EPHA5: variants seen among roughly 807,000 people sequenced by gnomAD.
The protein encoded by EPHA5 is ephrin type-A receptor 5.
Under a neutral mutation model 105.0 loss-of-function variants are expected in EPHA5, and 60 were observed. The observed-to-expected ratio is 0.57, with a 90% CI of 0.46 to 0.71. The LOEUF (loss-of-function observed/expected upper bound fraction) is 0.71. EPHA5 is among the 30% of genes least tolerant of loss of function. The probability of loss-of-function intolerance (pLI) is 0.00; values close to 1 mark genes in which losing one functional copy is unlikely to be tolerated. For synonymous variants in EPHA5, 513 were observed against 449.1 expected (o/e 1.14, Z -1.80); for missense variants, 1,218 against 1,274.7 (o/e 0.96, Z 0.68).
At chr4:65,515,484 A>G (rs573343972) in intron 3 of EPHA5, among the ~76,000 whole-genome samples, 1 of 152,094 alleles carries the variant, frequency 6.6e-6, no homozygotes, top group East Asian at 1.9e-4. Flanking sequence ...AAGATACATG[A>G]CTCCTCTATT....
chr4:65,666,681 A>G (rs975258322), intron 1 of EPHA5, among the ~76,000 whole-genome samples: 3 of 152,204 alleles, frequency 2.0e-5, no homozygotes, highest in Admixed American at 6.5e-5. Flanking sequence ...GTTTATGACT[A>G]ATATACTAAA....
chr4:65,496,977 A>AT (rs1336914260), intron 3 of EPHA5, among the ~76,000 whole-genome samples: 1 of 152,086 alleles, frequency 6.6e-6, no homozygotes, highest in African/African-American at 2.4e-5. Context: ...TATTCTGTGG[A>AT]TTTTCTACAT....
At chr4:65,532,952 G>T (rs1159372886) in intron 3 of EPHA5, among the ~76,000 whole-genome samples, 1 of 151,614 alleles carries the variant, frequency 6.6e-6, no homozygotes, top group African/African-American at 2.4e-5. Context: ...TATTTATTTT[G>T]GTCAGTAGCA....
At chr4:65,447,255 T>C (rs986949385) in intron 5 of EPHA5, among the ~76,000 whole-genome samples, 1 of 152,084 alleles carries the variant, frequency 6.6e-6, no homozygotes, top group African/African-American at 2.4e-5. Flanking sequence ...CAATAGTTTC[T>C]AAGCAGATAT....
At chr4:65,394,047 C>A (rs1264909010) in intron 8 of EPHA5, among the ~76,000 whole-genome samples, 1 of 152,050 alleles carries the variant, frequency 6.6e-6, no homozygotes, top group Non-Finnish European at 1.5e-5. Context: ...ATGGAATTAA[C>A]CAGGGTTCAC....
intron 12 of EPHA5, 43 bp from the exon 13 acceptor site, chr4:65,351,641 A>C: frequency 6.4e-7 from 1 of 1,564,216 alleles, no homozygotes; most frequent in South Asian, 1.1e-5. Context: ...AACACCAATC[A>C]CTGGGGGAAA....
chr4:65,659,951 C>T (rs1749417282), intron 1 of EPHA5, among the ~76,000 whole-genome samples: 1 of 152,080 alleles, frequency 6.6e-6, no homozygotes, highest in South Asian at 2.1e-4. Flanking sequence ...TGTCGACTTA[C>T]AATATTAGTA....
chr4:65,566,870 T>C (rs1739589978), intron 3 of EPHA5, among the ~76,000 whole-genome samples: 1 of 151,876 alleles, frequency 6.6e-6, no homozygotes, highest in South Asian at 2.1e-4. Flanking sequence ...CATTTCTTTA[T>C]TTTTTGATAA....
intron 2 of EPHA5, among the ~76,000 whole-genome samples, chr4:65,626,755 A>C (rs1296015356): frequency 1.3e-5 from 2 of 152,252 alleles, no homozygotes; most frequent in African/African-American, 4.8e-5. Flanking sequence ...CATTTGTTCA[A>C]TATAACTTTC....
At chr4:65,439,041 C>T (rs1001076022) in intron 5 of EPHA5, among the ~76,000 whole-genome samples, 2 of 152,050 alleles carry the variant, frequency 1.3e-5, no homozygotes, top group Admixed American at 1.3e-4. Flanking sequence ...TCTCAACAAT[C>T]CTATGAAGTA....
At chr4:65,566,164 G>A (rs184155868) in intron 3 of EPHA5, among the ~76,000 whole-genome samples, 132 of 151,816 alleles carry the variant, frequency 8.7e-4, no homozygotes, top group African/African-American at 2.9e-3. Context: ...ACTGTGTAAC[G>A]TGAAAAACAA....
At position 65,566,123 on chromosome 4, in the gene EPHA5, A is replaced by G. The variant is rs553637826; in HGVS notation, c.910+35518T>C. Reference sequence around the variant, plus strand: ...ACTTCTACAACATGGAAATATGGTAATTAAGAGCTTTCTGCTCCCATTTTC... The same window carrying G: ...ACTTCTACAACATGGAAATATGGTAGTTAAGAGCTTTCTGCTCCCATTTTC... On this transcript the variant is annotated intron_variant, in intron 3 of 16. Coordinates refer to ENST00000613740, the MANE Select transcript of EPHA5 (RefSeq NM_001281766.3). Among the ~76,000 whole-genome samples the G allele has an allele frequency of 5.6e-4, 85 of 151,880 alleles. No homozygotes were observed. In the South Asian group the frequency reaches 8.1e-3, roughly 14 times the overall value.
intron 5 of EPHA5, among the ~76,000 whole-genome samples, chr4:65,456,504 G>A (rs997214565): frequency 7.9e-5 from 12 of 152,108 alleles, no homozygotes; most frequent in African/African-American, 2.4e-4. Context: ...GCTGATTAGT[G>A]TGTCACAACA....
intron 3 of EPHA5, among the ~76,000 whole-genome samples, chr4:65,591,436 A>C (rs181141528): frequency 2.1e-3 from 315 of 152,078 alleles, no homozygotes; most frequent in Middle Eastern, 6.8e-3. Context: ...AGGAGTATTT[A>C]TGCTAAAACT....
At chr4:65,410,670 T>C (rs1214070179) in intron 7 of EPHA5, among the ~76,000 whole-genome samples, 1 of 152,210 alleles carries the variant, frequency 6.6e-6, no homozygotes, top group Non-Finnish European at 1.5e-5. Context: ...ACTATGGTTC[T>C]GTAAAATATT....
chr4:65,372,212 T>G (rs952756833), intron 8 of EPHA5, among the ~76,000 whole-genome samples: 4 of 151,970 alleles, frequency 2.6e-5, no homozygotes, highest in Non-Finnish European at 5.9e-5. Context: ...ATACTGTTTT[T>G]TAGAAAGTAC....
rs2148772252 is a variant in EPHA5, at chr4:65,322,587, C to A, written c.*1527G>T. 4.5e-6 allele frequency: 1 copy of A among 224,076 alleles called. No homozygotes were observed. The highest frequency in any genetic ancestry group is 6.4e-5 in the East Asian group (1 of 15,516). 13.9% of individuals were successfully genotyped at this position (224,076 alleles called of 1,614,324 possible). On this transcript the variant is annotated 3_prime_UTR_variant, in exon 17 of 17. Transcript: ENST00000613740. ...GTTTTGGACAATTTCTAATACACTG[C>A]ATAATTTGTATCACAAATATAAGTC...
intron 3 of EPHA5, among the ~76,000 whole-genome samples, chr4:65,497,004 T>G (rs1450584018): frequency 6.6e-6 from 1 of 152,220 alleles, no homozygotes; most frequent in African/African-American, 2.4e-5. Flanking sequence ...ATTATTCTTA[T>G]TTCTCACTGG....
chr4:65,471,298 G>A (rs1729263731), intron 5 of EPHA5, among the ~76,000 whole-genome samples: 1 of 151,982 alleles, frequency 6.6e-6, no homozygotes, highest in Non-Finnish European at 1.5e-5. Flanking sequence ...ACATCATATT[G>A]GGAAATGTTT....
Sources: allele counts gnomAD v4.1 joint callset (sites outside exome capture counted in the v4.1 genomes callset), GRCh38; gene constraint gnomAD v4.1.1; transcripts MANE v1.5; gene names NCBI Gene and HGNC (gene_info 2026-07-23, HGNC 2026-07-21).